The following METTL8 variants were observed in gnomAD, a reference collection of about 807,000 sequenced individuals.
METTL8 encodes methyltransferase 8, tRNA N3-cytidine, also known as tRNA N(3)-cytidine methyltransferase METTL8, mitochondrial.
Under a neutral mutation model 48.7 loss-of-function variants are expected in METTL8, and 32 were observed. That is an observed-to-expected ratio of 0.66 (90% CI 0.50 to 0.88). The LOEUF (loss-of-function observed/expected upper bound fraction) is 0.88. Among genes scored for constraint, METTL8 ranks in the 40% least tolerant of loss-of-function variants. METTL8 has a pLI of 0.00. For synonymous variants in METTL8, 136 were observed against 157.1 expected (o/e 0.87, Z 1.01); for missense variants, 464 against 474.4 (o/e 0.98, Z 0.20).
chr2:171,425,656 A>T (rs960330187), intron 1 of METTL8, among the ~76,000 whole-genome samples: 2 of 152,232 alleles, frequency 1.3e-5, no homozygotes, highest in Non-Finnish European at 2.9e-5. Flanking sequence ...GGCTGACACC[A>T]TAATTTCAGC....
chr2:171,338,178 C>T (rs1470041904), intron 4 of METTL8, among the ~76,000 whole-genome samples: 1 of 151,926 alleles, frequency 6.6e-6, no homozygotes, highest in Non-Finnish European at 1.5e-5. Flanking sequence ...ATTAAAATGC[C>T]CAGTAGTGTG....
At chr2:171,408,861 T>C (rs889379511) in intron 1 of METTL8, among the ~76,000 whole-genome samples, 1 of 152,140 alleles carries the variant, frequency 6.6e-6, no homozygotes, top group African/African-American at 2.4e-5. Context: ...AGGAAGCTTC[T>C]GGGAGGTAAC....
intron 1 of METTL8, among the ~76,000 whole-genome samples, chr2:171,397,376 A>AAC (rs1559172271): frequency 2.7e-5 from 4 of 147,422 alleles, no homozygotes; most frequent in Non-Finnish European, 6.0e-5. Flanking sequence ...AAAAAAAAAA[A>AAC]AAACAACATC....
At chr2:171,346,469 T>C (rs914623450) in intron 3 of METTL8, among the ~76,000 whole-genome samples, 7 of 152,128 alleles carry the variant, frequency 4.6e-5, no homozygotes, top group Non-Finnish European at 7.4e-5. Context: ...TGAGACAATA[T>C]GTGAGAAATG....
At chr2:171,368,805 G>C (rs960504113) in intron 2 of METTL8, among the ~76,000 whole-genome samples, 4 of 152,036 alleles carry the variant, frequency 2.6e-5, no homozygotes, top group Admixed American at 6.6e-5. Context: ...GGGAGGCTGA[G>C]GCAGGAGAAA....
chr2:171,374,992 G>T, intron 2 of METTL8: 1 of 1,043,184 alleles, frequency 9.6e-7, no homozygotes, highest in Non-Finnish European at 1.5e-6. Context: ...GGGTGGGGGT[G>T]TTCGGTCTTT....
In METTL8 at chr2:171,323,041, T is replaced by C. The variant is rs1405090938; in HGVS notation, c.*1131A>G. 1 of 152,102 alleles carries C rather than the reference T, an allele frequency of 6.6e-6. No homozygotes were observed. Among genetic ancestry groups the C allele is most frequent in the Admixed American group, 6.6e-5 (1 of 15,262 alleles). 9.4% of individuals were successfully genotyped at this position (152,102 alleles called of 1,614,324 possible). A position where few individuals can be genotyped will look rare whatever the true frequency, so the allele number is the denominator to read the frequency against. On this transcript the variant is annotated 3_prime_UTR_variant, in exon 10 of 10. Coordinates refer to ENST00000375258, the MANE Select transcript of METTL8 (RefSeq NM_001321154.2). ...CCGGCTTCTTCACTGCAACCTGTTT[T>C]ATCAGCAAGGTCTGTATGACCTGTA...
intron 3 of METTL8, among the ~76,000 whole-genome samples, chr2:171,343,189 C>T (rs539070614): frequency 3.3e-5 from 5 of 152,248 alleles, no homozygotes; most frequent in African/African-American, 9.6e-5. Context: ...CCTACAATAC[C>T]GGCACTTTGG....
chr2:171,396,661 T>C (rs1249082193), intron 1 of METTL8, among the ~76,000 whole-genome samples: 14 of 152,166 alleles, frequency 9.2e-5, no homozygotes, highest in Non-Finnish European at 2.9e-5. Context: ...AACACAGCTA[T>C]AAATAACCTA....
At chr2:171,333,781 T>C (rs576757773) in intron 5 of METTL8, among the ~76,000 whole-genome samples, 1 of 152,178 alleles carries the variant, frequency 6.6e-6, no homozygotes, top group African/African-American at 2.4e-5. Flanking sequence ...TGCCTAAGGT[T>C]TGAGTCTCAG....
intron 5 of METTL8, chr2:171,332,480 TCTTAA>T (rs1350224978): frequency 1.3e-5 from 2 of 152,570 alleles, no homozygotes; most frequent in African/African-American, 4.8e-5. Flanking sequence ...ATTGGACTCT[TCTTAA>T]CTTAAATATG....
chr2:171,327,750 C>T (rs954517142), intron 7 of METTL8, among the ~76,000 whole-genome samples: 43 of 152,080 alleles, frequency 2.8e-4, no homozygotes, highest in African/African-American at 9.9e-4. Flanking sequence ...AAAAAAGAAA[C>T]GTATTTTTTG....
At chr2:171,433,991 A>G (rs1693505660), upstream of METTL8, 2 of 227,552 alleles carry the variant, frequency 8.8e-6, no homozygotes, top group Non-Finnish European at 1.8e-5. Context: ...GCTTGTGAGT[A>G]CCGGGGCAGT....
At chr2:171,433,993 C>T (rs1303133170), upstream of METTL8, 3 of 230,418 alleles carry the variant, frequency 1.3e-5, no homozygotes, top group South Asian at 4.9e-5. Flanking sequence ...TTGTGAGTAC[C>T]GGGGCAGTGA....
At chr2:171,328,113 G>C (rs1685142497) in intron 7 of METTL8, among the ~76,000 whole-genome samples, 1 of 152,062 alleles carries the variant, frequency 6.6e-6, no homozygotes, top group South Asian at 2.1e-4. Flanking sequence ...AGGTGGGAGT[G>C]GGCTGGGGGT....
chr2:171,321,092 G>A lies in METTL8; in HGVS notation c.*3080C>T, dbSNP rs964502461. On this transcript the variant is annotated 3_prime_UTR_variant, in exon 10 of 10. Transcript: ENST00000375258. Reference sequence around the variant, plus strand: ...CTAGCCTGAGACCTACCTCCCCCAAGAAACCTGATTCTTCTCCATTCTTTT... The same window carrying A: ...CTAGCCTGAGACCTACCTCCCCCAAAAAACCTGATTCTTCTCCATTCTTTT... 17 of 152,194 alleles carry A rather than the reference G, an allele frequency of 1.1e-4. No homozygotes were observed. Among genetic ancestry groups the A allele is most frequent in the Non-Finnish European group, 2.4e-4 (16 of 68,080 alleles). The allele number at this position is 152,194 out of a possible 1,614,324, so 9.4% of individuals were successfully genotyped here.
intron 2 of METTL8, among the ~76,000 whole-genome samples, chr2:171,370,237 T>A (rs745767017): frequency 6.6e-6 from 1 of 152,204 alleles, no homozygotes; most frequent in Non-Finnish European, 1.5e-5. Context: ...CTGTTTTCTT[T>A]GGTGTTAATT....
chr2:171,402,302 G>T (rs1013687258), intron 1 of METTL8, among the ~76,000 whole-genome samples: 2 of 152,124 alleles, frequency 1.3e-5, no homozygotes, highest in Non-Finnish European at 2.9e-5. Flanking sequence ...GATATGAATG[G>T]TGCCTATAAA....
intron 1 of METTL8, among the ~76,000 whole-genome samples, chr2:171,414,128 G>A (rs1691034507): frequency 6.6e-6 from 1 of 152,040 alleles, no homozygotes; most frequent in Non-Finnish European, 1.5e-5. Context: ...GCTTAAAAAT[G>A]TTGCTAAAGC....
Sources: allele counts gnomAD v4.1 joint callset (sites outside exome capture counted in the v4.1 genomes callset), GRCh38; gene constraint gnomAD v4.1.1; transcripts MANE v1.5; gene names NCBI Gene and HGNC (gene_info 2026-07-23, HGNC 2026-07-21).